Variants in CARMIL1 observed in about 807,000 individuals in gnomAD.
CARMIL1 encodes F-actin-uncapping protein LRRC16A.
A neutral mutation model predicts 177.1 loss-of-function variants in CARMIL1; 90 were observed. The ratio of observed to expected loss-of-function variants is 0.51; its 90% confidence interval spans 0.43 to 0.61. The LOEUF (loss-of-function observed/expected upper bound fraction) is 0.61, where lower values mean the gene tolerates loss of function less well. Ranked by LOEUF, CARMIL1 falls within the 20% of genes least tolerant of loss-of-function variation. The pLI is 0.00. For missense variants in CARMIL1, 1,380 were observed against 1,667.0 expected (o/e 0.83, Z 3.00); for synonymous variants, 577 against 606.2 (o/e 0.95, Z 0.71).
chr6:25,613,992 A>G (rs937019618), intron 36 of CARMIL1, among the ~76,000 whole-genome samples: 10 of 152,218 alleles, frequency 6.6e-5, no homozygotes, highest in Admixed American at 5.2e-4. Context: ...GGGATAAGCC[A>G]TTCTTGAATT....
At chr6:25,290,254 C>G (rs1476918319) in intron 2 of CARMIL1, among the ~76,000 whole-genome samples, 10 of 152,118 alleles carry the variant, frequency 6.6e-5, no homozygotes, top group Admixed American at 6.5e-4. Flanking sequence ...TGCCACCACA[C>G]CCGGCTAATT....
At chr6:25,557,785 G>A (rs542566029) in intron 29 of CARMIL1, among the ~76,000 whole-genome samples, 1 of 152,246 alleles carries the variant, frequency 6.6e-6, no homozygotes, top group East Asian at 1.9e-4. Flanking sequence ...TTCTAACCTA[G>A]GAGGGAATGT....
chr6:25,499,642 C>T (rs911031042), intron 16 of CARMIL1, among the ~76,000 whole-genome samples: 2 of 152,128 alleles, frequency 1.3e-5, no homozygotes, highest in Admixed American at 1.3e-4. Flanking sequence ...TTGTTTTATA[C>T]CCTTGCCCAC....
At chr6:25,398,302 C>T (rs764428117) in intron 2 of CARMIL1, among the ~76,000 whole-genome samples, 24 of 151,874 alleles carry the variant, frequency 1.6e-4, no homozygotes, top group Non-Finnish European at 3.1e-4. Flanking sequence ...TATGATAAGC[C>T]TTTTTGATGA....
At chr6:25,314,524 A>G (rs1181539207) in intron 2 of CARMIL1, among the ~76,000 whole-genome samples, 5 of 151,578 alleles carry the variant, frequency 3.3e-5, no homozygotes, top group African/African-American at 1.2e-4. Context: ...ATACATACAT[A>G]CACATATATA....
At chr6:25,459,708 T>G (rs1435618225) in intron 8 of CARMIL1, among the ~76,000 whole-genome samples, 1 of 152,232 alleles carries the variant, frequency 6.6e-6, no homozygotes, top group African/African-American at 2.4e-5. Context: ...TTGTGCCACG[T>G]GGCTCTAAAA....
rs143613408 is a variant in CARMIL1, at chr6:25,546,115, A to C, written c.2329-4795A>C. ...TAGGTTTATAGATGCTTATTGTCCT[A>C]TTTTTTCCAATTTTTTGTAGGTCTA... On this transcript the variant is annotated intron_variant, in intron 26 of 36. Coordinates refer to ENST00000329474, the MANE Select transcript of CARMIL1 (RefSeq NM_017640.6). Among the ~76,000 whole-genome samples the C allele has an allele frequency of 5.6e-4, 85 of 152,032 alleles. 1 individual carries two copies. In the East Asian group the frequency reaches 0.016, roughly 28 times the overall value.
intron 4 of CARMIL1, 48 bp from the exon 5 acceptor site, chr6:25,435,435 G>A (rs1475643763): frequency 4.4e-5 from 67 of 1,524,480 alleles, no homozygotes; most frequent in Non-Finnish European, 5.5e-5. Flanking sequence ...AATTAAAAAC[G>A]GAAGGAATTG....
chr6:25,412,318 A>G (rs1794972811), intron 2 of CARMIL1, among the ~76,000 whole-genome samples: 1 of 152,226 alleles, frequency 6.6e-6, no homozygotes, highest in African/African-American at 2.4e-5. Flanking sequence ...TTGATGGCCC[A>G]TGCCAATAAT....
intron 2 of CARMIL1, among the ~76,000 whole-genome samples, chr6:25,335,795 C>T (rs116172116): frequency 3.0e-3 from 458 of 152,338 alleles, no homozygotes; most frequent in Middle Eastern, 6.8e-3. Flanking sequence ...TCCCCTGCCC[C>T]GTGCTGGCAT....
At chr6:25,579,427 G>A (rs1006416966) in intron 29 of CARMIL1, among the ~76,000 whole-genome samples, 16 of 152,050 alleles carry the variant, frequency 1.1e-4, no homozygotes, top group Non-Finnish European at 2.4e-4. Flanking sequence ...AACTTGTTGC[G>A]ACCAAACACA....
intron 12 of CARMIL1, among the ~76,000 whole-genome samples, chr6:25,488,115 G>A (rs566966609): frequency 1.2e-4 from 19 of 152,190 alleles, no homozygotes; most frequent in Admixed American, 2.6e-4. Context: ...TAAACACCAG[G>A]CACTAACTCA....
chr6:25,594,346 A>G (rs1814610250), intron 31 of CARMIL1, 69 bp from the exon 32 acceptor site: 3 of 1,002,752 alleles, frequency 3.0e-6, no homozygotes, highest in African/African-American at 3.2e-5. Context: ...ACAGTGTCTT[A>G]AATCTAGTAA....
intron 15 of CARMIL1, among the ~76,000 whole-genome samples, chr6:25,493,382 T>C (rs1803409315): frequency 6.6e-6 from 1 of 152,256 alleles, no homozygotes; most frequent in South Asian, 2.1e-4. Flanking sequence ...TCAGCCAGAC[T>C]ATTCATTCTT....
intron 23 of CARMIL1, among the ~76,000 whole-genome samples, chr6:25,525,827 A>T (rs776257566): frequency 2.6e-5 from 4 of 152,218 alleles, no homozygotes; most frequent in Non-Finnish European, 5.9e-5. Context: ...TAATTGATGA[A>T]CTAGGAAAGA....
intron 17 of CARMIL1, among the ~76,000 whole-genome samples, chr6:25,501,055 C>T (rs1804274094): frequency 6.6e-6 from 1 of 152,160 alleles, no homozygotes; most frequent in Non-Finnish European, 1.5e-5. Flanking sequence ...AGCCACTGCG[C>T]CCAGCCTAAA....
At chr6:25,461,104 A>G (rs560504195) in intron 8 of CARMIL1, among the ~76,000 whole-genome samples, 3 of 152,126 alleles carry the variant, frequency 2.0e-5, no homozygotes, top group East Asian at 1.9e-4. Flanking sequence ...AAAAACTACT[A>G]TTTTGCATTG....
At chr6:25,605,706 T>C (rs976217370) in intron 34 of CARMIL1, among the ~76,000 whole-genome samples, 12 of 152,214 alleles carry the variant, frequency 7.9e-5, no homozygotes, top group African/African-American at 2.9e-4. Flanking sequence ...TACCTGTACC[T>C]TGTGCCAGAT....
intron 31 of CARMIL1, among the ~76,000 whole-genome samples, chr6:25,593,807 A>G (rs1013854064): frequency 1.3e-5 from 2 of 152,158 alleles, no homozygotes; most frequent in African/African-American, 4.8e-5. Flanking sequence ...GCTCCCTAGC[A>G]AATGTCCCCT....
Sources: gnomAD v4.1 joint callset for allele counts (sites outside exome capture counted in the v4.1 genomes callset) on GRCh38, gnomAD v4.1.1 for gene constraint, MANE v1.5 for transcripts, NCBI Gene and HGNC (gene_info 2026-07-23, HGNC 2026-07-21) for gene names.